Variants in ABR observed in about 807,000 individuals in gnomAD.
ABR encodes the protein ABR activator of RhoGEF and GTPase, also known as active breakpoint cluster region-related protein.
In ABR, 35 loss-of-function variants were observed where a neutral mutation model predicts 107.2. The ratio of observed to expected loss-of-function variants is 0.33; its 90% confidence interval spans 0.25 to 0.43. The LOEUF is 0.43. Among genes scored for constraint, ABR ranks in the 20% least tolerant of loss-of-function variants. ABR has a pLI of 1.00. For missense variants in ABR, 815 were observed against 1,115.2 expected (o/e 0.73, Z 3.83); for synonymous variants, 498 against 462.0 (o/e 1.08, Z -1.00).
At chr17:1,153,334 G>C (rs573831451) in intron 1 of ABR, among the ~76,000 whole-genome samples, 2 of 152,276 alleles carry the variant, frequency 1.3e-5, no homozygotes, top group Non-Finnish European at 2.9e-5. Flanking sequence ...TGGCTTTTGG[G>C]ACAGTGCCCA....
At chr17:1,009,622 C>T (rs1039374050) in intron 21 of ABR, 57 bp downstream of exon 21, 35 of 1,523,840 alleles carry the variant, frequency 2.3e-5, no homozygotes, top group South Asian at 2.1e-4. Flanking sequence ...GGCCCCTCCC[C>T]GTTACCTTTT....
chr17:1,153,461 GGGAGGGCTGGGGGTCCAGGCACACCTAC>G (rs2151539745), intron 1 of ABR, among the ~76,000 whole-genome samples: 2 of 135,892 alleles, frequency 1.5e-5, no homozygotes, highest in East Asian at 2.1e-4. Context: ...GCACACCTGC[GGGAGGGCTGGGGGTCCAGGCACACCTAC>G]GGGAGGGCTG....
intron 16 of ABR, among the ~76,000 whole-genome samples, chr17:1,023,119 A>AGAGCCTCTGCCGGCCCCACGTCCACTG (rs1167753663): frequency 5.5e-4 from 54 of 98,996 alleles, no homozygotes; most frequent in African/African-American, 2.0e-3. Flanking sequence ...CACGTCCACT[A>AGAGCCTCTGCCGGCCCCACGTCCACTG]CAGCGCCTCT....
chr17:1,059,302 G>A (rs2033672914), intron 10 of ABR, among the ~76,000 whole-genome samples: 1 of 152,194 alleles, frequency 6.6e-6, no homozygotes, highest in Non-Finnish European at 1.5e-5. Flanking sequence ...CCACAGAAAA[G>A]CTGTGGCCAC....
intron 10 of ABR, among the ~76,000 whole-genome samples, chr17:1,062,208 A>T: frequency 6.6e-6 from 1 of 151,702 alleles, no homozygotes; most frequent in Non-Finnish European, 1.5e-5. Context: ...ACGTGAACTG[A>T]GGGCTATGCA....
At chr17:1,146,582 A>T (rs1168997385) in intron 1 of ABR, among the ~76,000 whole-genome samples, 2 of 151,506 alleles carry the variant, frequency 1.3e-5, no homozygotes, top group Non-Finnish European at 2.9e-5. Flanking sequence ...CAGTGCCCAG[A>T]CACCTGCCAC....
upstream of ABR, among the ~76,000 whole-genome samples, chr17:1,181,685 G>C (rs529594818): frequency 2.6e-5 from 4 of 152,332 alleles, no homozygotes; most frequent in East Asian, 7.7e-4. Flanking sequence ...GGCCGGAGGA[G>C]CCATGAGGGG....
chr17:1,079,788 CAAAAAAAAAAAAAAAAAAAAAAA>C lies in ABR; in HGVS notation c.640-421_640-399del, dbSNP rs57412625. Among the ~76,000 whole-genome samples the C allele has an allele frequency of 1.1e-3, 58 of 55,112 alleles. 1 individual carries two copies. Among genetic ancestry groups the C allele is most frequent in the East Asian group, 8.5e-3 (17 of 1,994 alleles). The allele number at this position is 55,112 out of a possible 152,430, so 36.2% of individuals were successfully genotyped here. A position where few individuals can be genotyped will look rare whatever the true frequency, so the allele number is the denominator to read the frequency against. On this transcript the variant is annotated intron_variant, in intron 5 of 22. Transcript: ENST00000302538. The stretch of plus-strand genomic sequence containing the variant: ...TGGGCAACAGGGCGAGACTCTGTCT[CAAAAAAAAAAAAAAAAAAAAAAA>C]AAAAAAAAAAAAAAAAGAAAGACAA...
chr17:1,203,008 TC>T (rs1451892189), intron 1 of ABR, among the ~76,000 whole-genome samples: 8 of 151,528 alleles, frequency 5.3e-5, no homozygotes, highest in African/African-American at 1.9e-4. Context: ...TGCCTCAGCC[TC>T]CCAAGTAGGT....
At chr17:1,189,075 G>A (rs988376994), upstream of ABR, among the ~76,000 whole-genome samples, 9 of 152,112 alleles carry the variant, frequency 5.9e-5, no homozygotes, top group African/African-American at 2.2e-4. Flanking sequence ...CACACAGTCC[G>A]GTGCCAGGAG....
intron 1 of ABR, among the ~76,000 whole-genome samples, chr17:1,202,336 T>C (rs911386962): frequency 6.6e-6 from 1 of 152,178 alleles, no homozygotes; most frequent in African/African-American, 2.4e-5. Flanking sequence ...CCCAAGAACC[T>C]CTTTATAACA....
Position 1,157,321 on chromosome 17 carries a change from G to A in ABR, c.61+22346C>T, listed in dbSNP as rs1292026982. Among the ~76,000 whole-genome samples, 2 of 149,916 alleles carry A rather than the reference G, an allele frequency of 1.3e-5. No homozygotes were observed. The highest frequency in any genetic ancestry group is 2.5e-5 in the African/African-American group (1 of 40,554). On this transcript the variant is annotated intron_variant, in intron 1 of 22. Transcript: ENST00000302538. This position sits in a 1 kb window ranked among gnomAD's most constrained non-coding sequence, Gnocchi z 4.7. ...GCTGGAGTGCAAAGGTGCAACCTTA[G>A]CTCACTGCAACCTCCACCTCCCGGG...
chr17:1,140,203 T>C (rs1359973455), intron 1 of ABR, among the ~76,000 whole-genome samples: 1 of 151,736 alleles, frequency 6.6e-6, no homozygotes, highest in Non-Finnish European at 1.5e-5. Flanking sequence ...GATGGGAGAG[T>C]TGACTGAAAA....
intron 6 of ABR, among the ~76,000 whole-genome samples, chr17:1,076,714 C>CGGGG (rs376868048): frequency 3.3e-4 from 14 of 42,152 alleles, no homozygotes; most frequent in African/African-American, 1.7e-3. Flanking sequence ...GGCAGGTGCA[C>CGGGG]GGGGGGGGTG....
At chr17:1,198,018 G>A (rs2042602734) in intron 1 of ABR, among the ~76,000 whole-genome samples, 1 of 151,732 alleles carries the variant, frequency 6.6e-6, no homozygotes, top group South Asian at 2.1e-4. Flanking sequence ...CTGTGGGTTA[G>A]TTCTTTGGGG....
chr17:1,224,674 TATTC>T (rs2043181161), intron 1 of ABR, among the ~76,000 whole-genome samples: 1 of 152,116 alleles, frequency 6.6e-6, no homozygotes, highest in Admixed American at 6.6e-5. Flanking sequence ...ACACGTATCT[TATTC>T]ATTCATATTT....
chr17:1,012,007 G>A (rs1273057477), intron 18 of ABR, 22 bp from the exon 19 acceptor site: 2 of 1,610,586 alleles, frequency 1.2e-6, no homozygotes, highest in Admixed American at 1.7e-5. Context: ...CGTGAGGATG[G>A]GTGGAGGGCA....
At chr17:1,055,552 G>A (rs939166236) in intron 14 of ABR, 1 of 151,556 alleles carries the variant, frequency 6.6e-6, no homozygotes, top group Non-Finnish European at 1.5e-5. Flanking sequence ...TTTTGAGACG[G>A]ATTCTCGCTC....
intron 2 of ABR, chr17:1,109,201 C>A (rs543307369): frequency 1.6e-6 from 2 of 1,242,934 alleles, no homozygotes; most frequent in African/African-American, 3.2e-5. Context: ...GCTCCCGACC[C>A]GGGACTGCAT....
Sources: gnomAD v4.1 joint callset for allele counts (sites outside exome capture counted in the v4.1 genomes callset) on GRCh38, gnomAD v4.1.1 for gene constraint, Gnocchi (gnomAD v3.1) non-coding constraint, MANE v1.5 for transcripts, NCBI Gene and HGNC (gene_info 2026-07-23, HGNC 2026-07-21) for gene names.